Variants in LRRTM4 observed in about 807,000 individuals in gnomAD.
The protein encoded by LRRTM4 is leucine-rich repeat transmembrane neuronal protein 4.
Under a neutral mutation model 47.6 loss-of-function variants are expected in LRRTM4, and 25 were observed. The observed-to-expected ratio is 0.53, with a 90% confidence interval of 0.38 to 0.73. The LOEUF (loss-of-function observed/expected upper bound fraction) is 0.73. LRRTM4 is among the 30% of genes least tolerant of loss of function. The probability of loss-of-function intolerance (pLI) is 0.00; values close to 1 mark genes in which losing one functional copy is unlikely to be tolerated. For missense variants in LRRTM4, 638 were observed against 713.4 expected, an observed-to-expected ratio of 0.89 and a Z score of 1.20; for synonymous variants, 311 against 269.5, an observed-to-expected ratio of 1.15 and a Z score of -1.51.
At chr2:77,099,422 T>A (rs11690828) in intron 3 of LRRTM4, among the ~76,000 whole-genome samples, 19,891 of 151,886 alleles carry the variant, frequency 0.13, 1,623 homozygotes, top group East Asian at 0.23. Flanking sequence ...ATCAATATTA[T>A]ACATGGTTTA....
chr2:77,087,911 C>A (rs191413986), intron 3 of LRRTM4, among the ~76,000 whole-genome samples: 395 of 152,208 alleles, frequency 2.6e-3, no homozygotes, highest in Non-Finnish European at 4.1e-3. Context: ...AAATATATGT[C>A]TTTGCCAAGG....
intron 3 of LRRTM4, among the ~76,000 whole-genome samples, chr2:76,975,044 C>T (rs1376021130): frequency 6.6e-6 from 1 of 151,628 alleles, no homozygotes; most frequent in Non-Finnish European, 1.5e-5. Context: ...CAGTGATATG[C>T]TGATCAGTGG....
At chr2:77,454,611 T>A (rs891548761) in intron 3 of LRRTM4, among the ~76,000 whole-genome samples, 4 of 152,136 alleles carry the variant, frequency 2.6e-5, no homozygotes, top group Non-Finnish European at 5.9e-5. Flanking sequence ...TGACAAGCAA[T>A]GACCGCTACT....
intron 3 of LRRTM4, among the ~76,000 whole-genome samples, chr2:76,960,502 G>A (rs1030182194): frequency 2.0e-5 from 3 of 151,464 alleles, no homozygotes; most frequent in African/African-American, 7.3e-5. Context: ...CTTCTCAGAA[G>A]TTATTTGAAA....
intron 3 of LRRTM4, among the ~76,000 whole-genome samples, chr2:77,173,775 C>T (rs1340974208): frequency 6.6e-6 from 1 of 152,104 alleles, no homozygotes; most frequent in Non-Finnish European, 1.5e-5. Flanking sequence ...CGCCCCCACA[C>T]ATTCCCCTGT....
At chr2:77,112,428 A>G (rs1451757032) in intron 3 of LRRTM4, among the ~76,000 whole-genome samples, 1 of 152,216 alleles carries the variant, frequency 6.6e-6, no homozygotes, top group East Asian at 1.9e-4. Context: ...GACCATTTTA[A>G]TACATCTCTA....
At chr2:76,822,056 C>G (rs894746151) in intron 3 of LRRTM4, among the ~76,000 whole-genome samples, 2 of 151,386 alleles carry the variant, frequency 1.3e-5, no homozygotes, top group Non-Finnish European at 3.0e-5. Flanking sequence ...AAATTGGGCC[C>G]ATGAAAATAT....
intron 3 of LRRTM4, among the ~76,000 whole-genome samples, chr2:77,218,814 CATTGAAT>C (rs1217690531): frequency 6.6e-6 from 1 of 152,024 alleles, no homozygotes; most frequent in Non-Finnish European, 1.5e-5. Context: ...GTGATGCCTT[CATTGAAT>C]AAATAAGTGC....
chr2:76,893,172 C>T (rs1211538428), intron 3 of LRRTM4, among the ~76,000 whole-genome samples: 1 of 151,336 alleles, frequency 6.6e-6, no homozygotes, highest in Non-Finnish European at 1.5e-5. Context: ...CATTTCATCA[C>T]AAAACATCCA....
chr2:77,386,405 G>T (rs7559758), intron 3 of LRRTM4, among the ~76,000 whole-genome samples: 62,013 of 151,930 alleles, frequency 0.41, 12,873 homozygotes, highest in East Asian at 0.62. Context: ...TTGCTGAGAA[G>T]GATGGTTCCA....
chr2:77,382,518 C>T (rs1673101491), intron 3 of LRRTM4, among the ~76,000 whole-genome samples: 1 of 151,952 alleles, frequency 6.6e-6, no homozygotes. Flanking sequence ...GGGTAGACAC[C>T]CAGAGACTAC....
intron 3 of LRRTM4, among the ~76,000 whole-genome samples, chr2:76,750,356 C>T (rs570495378): frequency 7.2e-5 from 11 of 152,186 alleles, no homozygotes; most frequent in East Asian, 3.9e-4. Flanking sequence ...ATCTTCCTTT[C>T]GTTCCCTCAG....
At chr2:77,429,971 C>T (rs1024062097) in intron 3 of LRRTM4, among the ~76,000 whole-genome samples, 2 of 152,020 alleles carry the variant, frequency 1.3e-5, no homozygotes, top group African/African-American at 4.8e-5. Context: ...GAGGCTGAGG[C>T]AGGGGAATCA....
chr2:76,848,205 G>A (rs1407957874), intron 3 of LRRTM4, among the ~76,000 whole-genome samples: 1 of 151,936 alleles, frequency 6.6e-6, no homozygotes, highest in East Asian at 1.9e-4. Flanking sequence ...TGTTTTATGT[G>A]AGCAATAGTT....
In LRRTM4 at chr2:76,992,261, A is replaced by G. The variant is rs115275043; in HGVS notation, c.1552-243345T>C. On this transcript the variant is annotated intron_variant, in intron 3 of 3. Transcript: ENST00000409884. ...TGCCCACTTTCACCACTCCTATTCA[A>G]TATAGTACTGGAAGTGCTAGCCAAA... Among the ~76,000 whole-genome samples, 1,306 of 151,958 alleles carry G rather than the reference A, an allele frequency of 8.6e-3. 23 individuals carry two copies. Among genetic ancestry groups the G allele is most frequent in the African/African-American group, 0.03 (1,230 of 41,530 alleles).
At chr2:77,182,192 C>T (rs774209901) in intron 3 of LRRTM4, among the ~76,000 whole-genome samples, 39 of 152,202 alleles carry the variant, frequency 2.6e-4, no homozygotes, top group Admixed American at 7.9e-4. Context: ...CAATGATAGA[C>T]TGGATAAAGA....
intron 3 of LRRTM4, among the ~76,000 whole-genome samples, chr2:76,906,001 C>G (rs1283679794): frequency 6.6e-6 from 1 of 151,998 alleles, no homozygotes; most frequent in African/African-American, 2.4e-5. Flanking sequence ...GAGAACGCCA[C>G]AAAGATACTC....
chr2:76,837,670 A>C (rs1408537759), intron 3 of LRRTM4, among the ~76,000 whole-genome samples: 2 of 152,164 alleles, frequency 1.3e-5, no homozygotes, highest in African/African-American at 4.8e-5. Flanking sequence ...ACAATAGCAA[A>C]GACTTGGAAC....
intron 3 of LRRTM4, among the ~76,000 whole-genome samples, chr2:77,210,371 C>G (rs953812586): frequency 1.2e-4 from 18 of 152,224 alleles, no homozygotes; most frequent in Admixed American, 3.9e-4. Context: ...TAGTTAACAC[C>G]TGAAAAGAAT....
Sources: gnomAD v4.1 joint callset for allele counts (sites outside exome capture counted in the v4.1 genomes callset) on GRCh38, gnomAD v4.1.1 for gene constraint, MANE v1.5 for transcripts, NCBI Gene and HGNC (gene_info 2026-07-23, HGNC 2026-07-21) for gene names.